Variants in HNF1B observed in about 807,000 individuals in gnomAD.
The protein encoded by HNF1B is hepatocyte nuclear factor 1-beta.
In HNF1B, 8 loss-of-function variants were observed where a neutral mutation model predicts 61.7. That is an observed-to-expected ratio of 0.13 (90% CI 0.08 to 0.23). The LOEUF is 0.23. Ranked by LOEUF, HNF1B falls within the 10% of genes least tolerant of loss-of-function variation. HNF1B has a pLI of 1.00. For missense variants in HNF1B, 562 were observed against 714.5 expected (o/e 0.79, Z 2.43); for synonymous variants, 314 against 287.7 (o/e 1.09, Z -0.93).
Position 37,704,926 on chromosome 17 carries a change from T to C in HNF1B, c.1330A>G (p.Ile444Val), listed in dbSNP as rs768424318. Reference protein sequence around the residue: ...IMTPLSGVMAIAQSLNTSQAQ... With the variant: ...IMTPLSGVMAVAQSLNTSQAQ... ...CAAGAATAGAACTTACTTTGTGCAA[T>C]TGCCATGACTCCAGAGAGGGGTGTC... Residue 444 changes from isoleucine (I) to valine (V), a missense_variant, in exon 6 of 9, where the codon ATT (isoleucine) becomes GTT (valine). By Grantham distance (29) the Ile-to-Val change is conservative. Around this residue, in one of 6 missense-constraint regions of HNF1B, gnomAD observed 211 missense variants for 200.7 expected, o/e 1.05. Coordinates refer to ENST00000617811, the MANE Select transcript of HNF1B (RefSeq NM_000458.4). The C allele has an allele frequency of 6.2e-6, 10 of 1,614,162 alleles. No homozygotes were observed. The highest frequency in any genetic ancestry group is 2.2e-5 in the South Asian group (2 of 91,076).
chr17:37,727,375 C>T (rs2033534639), intron 4 of HNF1B, among the ~76,000 whole-genome samples: 1 of 152,150 alleles, frequency 6.6e-6, no homozygotes, highest in African/African-American at 2.4e-5. Context: ...TGGCTGCCTG[C>T]AGCCTGCTAC....
intron 7 of HNF1B, among the ~76,000 whole-genome samples, chr17:37,699,711 G>T (rs951568578): frequency 6.6e-6 from 1 of 152,230 alleles, no homozygotes; most frequent in Non-Finnish European, 1.5e-5. Flanking sequence ...TGGGAGGAAG[G>T]GAAGTGGGGC....
chr17:37,717,431 T>C (rs2033161486), intron 4 of HNF1B, among the ~76,000 whole-genome samples: 1 of 152,176 alleles, frequency 6.6e-6, no homozygotes, highest in Non-Finnish European at 1.5e-5. Flanking sequence ...GTCTAGAAAC[T>C]GGGAATTTAA....
rs1464002971 is a variant in HNF1B at position 37,731,704 on chromosome 17, C to T, written c.936G>A (p.Lys312=). 5.0e-6 allele frequency: 8 copies of T among 1,614,060 alleles called. No individual in the cohort carries two copies. The highest frequency in any genetic ancestry group is 1.3e-5 in the African/African-American group (1 of 74,914). ...TGGAGCTATAGGCGTCCATGGCCAG[C>T]TTTTGCCGGAATGCCTCCTCCTTCC... ...NRRKEEAFRQ[K]LAMDAYSSNQ... The change falls in exon 4 of 9, where the codon AAG becomes AAA. Residue 312 remains lysine, a synonymous_variant. Coordinates refer to ENST00000617811, the MANE Select transcript of HNF1B (RefSeq NM_000458.4).
At chr17:37,740,249 G>A (rs984276782) in intron 1 of HNF1B, among the ~76,000 whole-genome samples, 3 of 152,118 alleles carry the variant, frequency 2.0e-5, no homozygotes, top group South Asian at 2.1e-4. Context: ...GATTACAGAC[G>A]TGAGCCACCG....
chr17:37,704,199 T>C (rs1255243291), intron 6 of HNF1B, among the ~76,000 whole-genome samples: 1 of 152,244 alleles, frequency 6.6e-6, no homozygotes, highest in Non-Finnish European at 1.5e-5. Flanking sequence ...AGCCTTCTCA[T>C]GCCTCAAGAT....
intron 6 of HNF1B, among the ~76,000 whole-genome samples, chr17:37,703,815 C>T (rs2032650799): frequency 1.3e-5 from 2 of 152,148 alleles, no homozygotes; most frequent in South Asian, 4.1e-4. Flanking sequence ...ATGGGCTTAG[C>T]CCTGTTCTGA....
rs186569102 is a variant in HNF1B at position 37,736,048 on chromosome 17, G to A, written c.545-2227C>T. 1.3e-3 allele frequency among the ~76,000 whole-genome samples: 195 copies of A among 152,330 alleles called. 2 individuals carry two copies. The highest frequency in any genetic ancestry group is 4.4e-3 in the African/African-American group (182 of 41,566). On this transcript the variant is annotated intron_variant, in intron 2 of 8. Coordinates refer to ENST00000617811, the MANE Select transcript of HNF1B (RefSeq NM_000458.4). ...CTCCCAAAGCATTGGGGTTACAGGC[G>A]TGAGCCACCATGCCCCACCTGATTA...
chr17:37,737,990 G>A (rs1221608139), intron 2 of HNF1B, among the ~76,000 whole-genome samples: 1 of 152,128 alleles, frequency 6.6e-6, no homozygotes, highest in East Asian at 1.9e-4. Flanking sequence ...TGCCTTTCCT[G>A]CCTCCTTCTC....
intron 2 of HNF1B, among the ~76,000 whole-genome samples, chr17:37,736,951 G>A (rs2033849554): frequency 6.6e-6 from 1 of 152,186 alleles, no homozygotes; most frequent in South Asian, 2.1e-4. Flanking sequence ...ATTAATTGGG[G>A]TTGGGGAAGA....
intron 8 of HNF1B, among the ~76,000 whole-genome samples, chr17:37,690,539 G>A (rs2032164276): frequency 6.6e-6 from 1 of 152,202 alleles, no homozygotes; most frequent in Middle Eastern, 3.2e-3. Context: ...GGGGGCCTGG[G>A]CTGGGACTAG....
At chr17:37,701,653 C>T (rs2032576005) in intron 6 of HNF1B, among the ~76,000 whole-genome samples, 1 of 152,148 alleles carries the variant, frequency 6.6e-6, no homozygotes, top group African/African-American at 2.4e-5. Flanking sequence ...CTAAAAACAA[C>T]TTCCATAGTC....
At chr17:37,699,231 A>G in intron 7 of HNF1B, 37 bp from the exon 8 acceptor site, 2 of 1,513,068 alleles carry the variant, frequency 1.3e-6, no homozygotes, top group Non-Finnish European at 1.8e-6. Flanking sequence ...CAAGGTGCAT[A>G]CACAGGCAAA....
intron 4 of HNF1B, among the ~76,000 whole-genome samples, chr17:37,711,098 C>T (rs1478117143): frequency 6.6e-6 from 1 of 152,218 alleles, no homozygotes; most frequent in Non-Finnish European, 1.5e-5. Flanking sequence ...GTTTCCCTGG[C>T]ATCCCTCGTG....
chr17:37,736,856 C>A (rs933799148), intron 2 of HNF1B, among the ~76,000 whole-genome samples: 1 of 152,200 alleles, frequency 6.6e-6, no homozygotes, highest in African/African-American at 2.4e-5. Flanking sequence ...AGGGGCTTGG[C>A]TCTAGCCTCT....
chr17:37,713,143 G>A (rs1598817941), intron 4 of HNF1B, among the ~76,000 whole-genome samples: 1 of 152,044 alleles, frequency 6.6e-6, no homozygotes, highest in South Asian at 2.1e-4. Flanking sequence ...TTACCTCCCC[G>A]AGAGGCTCTG....
intron 4 of HNF1B, chr17:37,720,761 C>T (rs1320795191): frequency 1.0e-5 from 10 of 984,234 alleles, no homozygotes; most frequent in Non-Finnish European, 1.2e-5. Flanking sequence ...TGGTACAGCC[C>T]ACAATTCTGC....
chr17:37,710,884 T>C (rs1013980230), intron 4 of HNF1B, among the ~76,000 whole-genome samples: 6 of 152,256 alleles, frequency 3.9e-5, no homozygotes, highest in African/African-American at 1.4e-4. Flanking sequence ...AGGAAATTTT[T>C]ATCTCGTTTG....
intron 4 of HNF1B, among the ~76,000 whole-genome samples, chr17:37,724,396 G>A (rs1396717204): frequency 6.6e-6 from 1 of 152,172 alleles, no homozygotes; most frequent in Non-Finnish European, 1.5e-5. Flanking sequence ...CCAGGGTGCA[G>A]CTTGGATACT....
Sources: gnomAD v4.1 joint callset for allele counts (sites outside exome capture counted in the v4.1 genomes callset) on GRCh38, gnomAD v4.1.1 for gene constraint, gnomAD v4.1.1 regional missense constraint, MANE v1.5 for transcripts, NCBI Gene and HGNC (gene_info 2026-07-23, HGNC 2026-07-21) for gene names.